The following CWC27 variants were observed in gnomAD, a reference collection of about 807,000 sequenced individuals.
CWC27 encodes CWC27 spliceosome associated cyclophilin.
A neutral mutation model predicts 63.6 loss-of-function variants in CWC27; 47 were observed. The observed-to-expected ratio is 0.74, with a 90% CI of 0.58 to 0.94. The LOEUF (loss-of-function observed/expected upper bound fraction) is 0.94, where lower values mean the gene tolerates loss of function less well. Among genes scored for constraint, CWC27 ranks in the 40% least tolerant of loss-of-function variants. The probability of loss-of-function intolerance (pLI) is 0.00; values close to 1 mark genes in which losing one functional copy is unlikely to be tolerated. For missense variants in CWC27, 495 were observed against 554.3 expected (o/e 0.89, Z 1.07); for synonymous variants, 175 against 179.8 (o/e 0.97, Z 0.22).
At chr5:64,935,452 A>G (rs745599509) in intron 11 of CWC27, among the ~76,000 whole-genome samples, 4 of 151,910 alleles carry the variant, frequency 2.6e-5, no homozygotes, top group Non-Finnish European at 4.4e-5. Flanking sequence ...GTCCTATTCC[A>G]TTGGTCTGTA....
intron 11 of CWC27, among the ~76,000 whole-genome samples, chr5:64,968,991 T>G (rs1402011431): frequency 6.6e-6 from 1 of 152,228 alleles, no homozygotes; most frequent in Non-Finnish European, 1.5e-5. Context: ...TATACTTAAA[T>G]GTACCTATCC....
intron 13 of CWC27, among the ~76,000 whole-genome samples, chr5:64,979,939 C>T (rs1749303899): frequency 2.2e-5 from 3 of 139,522 alleles, no homozygotes; most frequent in Admixed American, 1.5e-4. Context: ...ATTTGGGTAC[C>T]ATTCAGCAGC....
At chr5:64,814,817 G>A (rs1224198217) in intron 10 of CWC27, among the ~76,000 whole-genome samples, 1 of 152,176 alleles carries the variant, frequency 6.6e-6, no homozygotes, top group Non-Finnish European at 1.5e-5. Flanking sequence ...GGAGACTGAA[G>A]CAGAAAGACG....
chr5:64,928,195 T>C (rs1159161422), intron 11 of CWC27, among the ~76,000 whole-genome samples: 4 of 152,054 alleles, frequency 2.6e-5, no homozygotes, highest in African/African-American at 9.7e-5. Context: ...ACATTCACTG[T>C]GTTTCCTCAG....
Position 64,952,841 on chromosome 5 carries a change from T to C in CWC27, c.1043-18862T>C, listed in dbSNP as rs556067474. On this transcript the variant is annotated intron_variant, in intron 11 of 13. Coordinates refer to ENST00000381070, the MANE Select transcript of CWC27 (RefSeq NM_005869.4). ...CCAAGAATTAGCAGTATTAATTTTA[T>C]TTTTGTCCACTCTTCTAGCTTATTT... Among the ~76,000 whole-genome samples, 4 of 152,272 alleles carry C rather than the reference T, an allele frequency of 2.6e-5. No individual in the cohort carries two copies. In the South Asian group the frequency reaches 8.3e-4, roughly 32 times the overall value.
chr5:64,943,806 C>T (rs1396395321), intron 11 of CWC27, among the ~76,000 whole-genome samples: 2 of 152,120 alleles, frequency 1.3e-5, no homozygotes, highest in African/African-American at 4.8e-5. Context: ...AGGGCTTTCT[C>T]CTTTTGGGCC....
chr5:64,815,615 A>G (rs918853498), intron 10 of CWC27, among the ~76,000 whole-genome samples: 1 of 152,182 alleles, frequency 6.6e-6, no homozygotes, highest in African/African-American at 2.4e-5. Context: ...AAGTTTGATC[A>G]TCATATTCCT....
chr5:65,016,951 C>T (rs531119742), intron 13 of CWC27, among the ~76,000 whole-genome samples: 2 of 152,210 alleles, frequency 1.3e-5, no homozygotes, highest in Admixed American at 1.3e-4. Context: ...ACAGTTTAAC[C>T]CTATCTGCTG....
chr5:64,779,825 G>C (rs766626498), intron 2 of CWC27, among the ~76,000 whole-genome samples: 5 of 152,112 alleles, frequency 3.3e-5, no homozygotes, highest in Admixed American at 6.5e-5. Context: ...CTGTTCTTGT[G>C]ATAATGAGTG....
chr5:64,817,635 T>C (rs944064948), intron 10 of CWC27, among the ~76,000 whole-genome samples: 2 of 152,148 alleles, frequency 1.3e-5, no homozygotes, highest in African/African-American at 4.8e-5. Flanking sequence ...ATATAAACCA[T>C]TCAGTAATGA....
chr5:64,830,612 A>AGCTACCATC (rs1304771116), intron 10 of CWC27, among the ~76,000 whole-genome samples: 1 of 152,184 alleles, frequency 6.6e-6, no homozygotes, highest in African/African-American at 2.4e-5. Flanking sequence ...TGCACAGCAA[A>AGCTACCATC]AGAAACTACC....
At chr5:64,878,368 C>A (rs1746846766) in intron 10 of CWC27, among the ~76,000 whole-genome samples, 1 of 146,324 alleles carries the variant, frequency 6.8e-6, no homozygotes, top group Non-Finnish European at 1.5e-5. Context: ...CTTTAAATTG[C>A]TAATGTAATT....
intron 11 of CWC27, among the ~76,000 whole-genome samples, chr5:64,952,079 A>G (rs1465381271): frequency 6.6e-6 from 1 of 151,996 alleles, no homozygotes; most frequent in Non-Finnish European, 1.5e-5. Flanking sequence ...AGTCCTTGAT[A>G]TAAAATGGCA....
chr5:64,774,370 C>T (rs928696120), intron 1 of CWC27, among the ~76,000 whole-genome samples: 3 of 152,168 alleles, frequency 2.0e-5, no homozygotes, highest in African/African-American at 7.2e-5. Context: ...TGTTCTTGAA[C>T]TCCTAGCCTC....
intron 10 of CWC27, among the ~76,000 whole-genome samples, chr5:64,829,349 G>C (rs1339454655): frequency 6.6e-6 from 1 of 151,932 alleles, no homozygotes; most frequent in Non-Finnish European, 1.5e-5. Flanking sequence ...ATTTAGAATA[G>C]GTAAAATTTC....
chr5:64,917,971 T>C lies in CWC27; in HGVS notation c.1042+32425T>C, dbSNP rs1216061483. ...ACACAAACATACACACACACACACA[T>C]TGGTTGTATATCTGGAGAATCCTGA... On this transcript the variant is annotated intron_variant, in intron 11 of 13. Transcript: ENST00000381070. Among the ~76,000 whole-genome samples, 3 of 151,854 alleles carry C rather than the reference T, an allele frequency of 2.0e-5. No individual in the cohort carries two copies. The East Asian group carries it at 5.8e-4, about 29-fold the overall frequency.
intron 13 of CWC27, among the ~76,000 whole-genome samples, chr5:65,014,757 C>A (rs1750021878): frequency 6.6e-6 from 1 of 152,134 alleles, no homozygotes; most frequent in South Asian, 2.1e-4. Flanking sequence ...GCAAGTAGGT[C>A]AGGAATTTAT....
intron 1 of CWC27, among the ~76,000 whole-genome samples, chr5:64,773,649 G>T (rs982566600): frequency 1.3e-5 from 2 of 152,150 alleles, no homozygotes; most frequent in Non-Finnish European, 2.9e-5. Flanking sequence ...ATCTACTTTG[G>T]TATACTAGGG....
chr5:64,816,751 T>C (rs1398129747), intron 10 of CWC27, among the ~76,000 whole-genome samples: 4 of 152,162 alleles, frequency 2.6e-5, no homozygotes, highest in African/African-American at 7.2e-5. Context: ...GGCAGCTTTT[T>C]TTCAGGCCTG....
Sources: gnomAD v4.1 joint callset for allele counts (sites outside exome capture counted in the v4.1 genomes callset) on GRCh38, gnomAD v4.1.1 for gene constraint, MANE v1.5 for transcripts, NCBI Gene and HGNC (gene_info 2026-07-23, HGNC 2026-07-21) for gene names.